CDH12: variants seen among roughly 807,000 people sequenced by gnomAD.
CDH12 encodes cadherin 12.
CDH12 carries 41 observed loss-of-function variants against 74.1 expected under a neutral mutation model. The ratio of observed to expected loss-of-function variants is 0.55; its 90% CI spans 0.43 to 0.72. The LOEUF (loss-of-function observed/expected upper bound fraction) is 0.72, where lower values mean the gene tolerates loss of function less well. Among genes scored for constraint, CDH12 ranks in the 30% least tolerant of loss-of-function variants. The probability of loss-of-function intolerance (pLI) is 0.00; values close to 1 mark genes in which losing one functional copy is unlikely to be tolerated. For synonymous variants in CDH12, 399 were observed against 355.0 expected (o/e 1.12, Z -1.39); for missense variants, 945 against 977.2 (o/e 0.97, Z 0.44).
intron 1 of CDH12, among the ~76,000 whole-genome samples, chr5:22,594,868 A>G (rs1736523728): frequency 6.6e-6 from 1 of 152,174 alleles, no homozygotes. Flanking sequence ...TTTAGTGCAA[A>G]ATGTATGCTT....
chr5:22,335,598 A>AT (rs1739546590), intron 3 of CDH12, among the ~76,000 whole-genome samples: 1 of 151,770 alleles, frequency 6.6e-6, no homozygotes, highest in Non-Finnish European at 1.5e-5. Context: ...AGAAAAAAAA[A>AT]AACAAAAACA....
intron 5 of CDH12, among the ~76,000 whole-genome samples, chr5:22,029,051 C>T (rs1028781044): frequency 6.6e-6 from 1 of 152,180 alleles, no homozygotes; most frequent in African/African-American, 2.4e-5. Context: ...GGAAAACCAG[C>T]TAGCCATATG....
In CDH12 at chr5:22,204,407, C is replaced by T. The variant is rs576009752; in HGVS notation, c.-187+8091G>A. On this transcript the variant is annotated intron_variant, in intron 4 of 14. Coordinates refer to ENST00000382254, the MANE Select transcript of CDH12 (RefSeq NM_004061.5). ...TGATCTCCTGACCTCATGATCCGCC[C>T]GCCTCGGCCTCCCGAAGTGCTGGGA... is the stretch of plus-strand genomic sequence containing the variant. Among the ~76,000 whole-genome samples the T allele has an allele frequency of 8.6e-4, 131 of 152,256 alleles. 2 individuals are homozygous for T. Among genetic ancestry groups the T allele is most frequent in the African/African-American group, 2.9e-3 (121 of 41,574 alleles).
intron 5 of CDH12, among the ~76,000 whole-genome samples, chr5:22,038,767 T>C (rs1332480542): frequency 3.3e-5 from 5 of 152,066 alleles, no homozygotes; most frequent in Admixed American, 2.6e-4. Context: ...GCACATCACC[T>C]CATTACCAAA....
At chr5:22,665,652 C>T (rs1165346825) in intron 1 of CDH12, among the ~76,000 whole-genome samples, 1 of 152,106 alleles carries the variant, frequency 6.6e-6, no homozygotes, top group East Asian at 1.9e-4. Context: ...GCCTCCATCC[C>T]ACTGATAAAT....
intron 1 of CDH12, among the ~76,000 whole-genome samples, chr5:22,751,678 G>A (rs1745585019): frequency 6.6e-6 from 1 of 152,130 alleles, no homozygotes; most frequent in Admixed American, 6.5e-5. Flanking sequence ...CCGCAAAACT[G>A]TTGCCACGTG....
At chr5:22,787,975 G>A (rs187917912) in intron 1 of CDH12, among the ~76,000 whole-genome samples, 1,625 of 152,284 alleles carry the variant, frequency 0.011, 17 homozygotes, top group South Asian at 0.035. Context: ...AAATGAGTCA[G>A]TAAGTTCAGC....
In CDH12 at chr5:22,269,672, C is replaced by T. The variant is rs190836077; in HGVS notation, c.-332-57029G>A. 4.4e-3 allele frequency among the ~76,000 whole-genome samples: 668 copies of T among 152,258 alleles called. 9 individuals are homozygous for T. The highest frequency in any genetic ancestry group is 0.01 in the Middle Eastern group (3 of 294). On this transcript the variant is annotated intron_variant, in intron 3 of 14. Coordinates refer to ENST00000382254, the MANE Select transcript of CDH12 (RefSeq NM_004061.5). Reference sequence around the variant, plus strand: ...CAGTTAGTTGATGATACAGGAAACTCCAGATAAGAGTCCCCATCCTTCACC... The same window carrying T: ...CAGTTAGTTGATGATACAGGAAACTTCAGATAAGAGTCCCCATCCTTCACC...
chr5:22,103,597 T>C (rs1580255926), intron 4 of CDH12, among the ~76,000 whole-genome samples: 1 of 152,244 alleles, frequency 6.6e-6, no homozygotes, highest in Admixed American at 6.5e-5. Flanking sequence ...AATCGTTTAT[T>C]GCTTATTAAA....
intron 8 of CDH12, among the ~76,000 whole-genome samples, chr5:21,820,179 T>C (rs1363626190): frequency 6.6e-6 from 1 of 151,882 alleles, no homozygotes; most frequent in African/African-American, 2.4e-5. Context: ...AAGACAATAA[T>C]ATGCTGAGAT....
chr5:22,681,228 GGTGTGT>G lies in CDH12; in HGVS notation c.-523+171824_-523+171829del, dbSNP rs1035806842. On this transcript the variant is annotated intron_variant, in intron 1 of 14. Transcript: ENST00000382254. ...ATCATTAAGCTCCTGGGTATTGGGG[GGTGTGT>G]GTGTGTGTGTGTGTGTGTGTGTGTG... 1.1e-4 allele frequency among the ~76,000 whole-genome samples: 12 copies of G among 105,816 alleles called. No individual in the cohort carries two copies. The South Asian group carries it at 1.8e-3, about 16-fold the overall frequency. 69.4% of individuals were successfully genotyped at this position (105,816 alleles called of 152,430 possible). A position where few individuals can be genotyped will look rare whatever the true frequency, so the allele number is the denominator to read the frequency against.
At chr5:21,891,483 C>T (rs1752894857) in intron 6 of CDH12, among the ~76,000 whole-genome samples, 1 of 151,708 alleles carries the variant, frequency 6.6e-6, no homozygotes, top group Non-Finnish European at 1.5e-5. Context: ...TTACACACAT[C>T]ATGTGGCCTA....
At chr5:22,017,843 C>T (rs1389957602) in intron 5 of CDH12, among the ~76,000 whole-genome samples, 3 of 151,532 alleles carry the variant, frequency 2.0e-5, no homozygotes, top group Non-Finnish European at 4.4e-5. Context: ...CACCACAACA[C>T]CTGCCTCCCG....
chr5:22,493,572 GA>G (rs1467395882), intron 2 of CDH12, among the ~76,000 whole-genome samples: 3 of 18,304 alleles, frequency 1.6e-4, no homozygotes, highest in Middle Eastern at 0.02. Context: ...GGTTTTTTTT[GA>G]AAAATTTTTT....
intron 1 of CDH12, among the ~76,000 whole-genome samples, chr5:22,587,673 A>C (rs1327047090): frequency 1.3e-5 from 2 of 152,128 alleles, no homozygotes; most frequent in Non-Finnish European, 2.9e-5. Context: ...ACATACCTTT[A>C]TAACAACTAA....
At chr5:22,020,305 G>A (rs1222111188) in intron 5 of CDH12, among the ~76,000 whole-genome samples, 2 of 152,084 alleles carry the variant, frequency 1.3e-5, no homozygotes, top group Non-Finnish European at 2.9e-5. Flanking sequence ...TATAATCCCA[G>A]CACTTTGGGA....
intron 6 of CDH12, among the ~76,000 whole-genome samples, chr5:21,927,366 G>C (rs1018207029): frequency 1.3e-5 from 2 of 151,754 alleles, no homozygotes; most frequent in Admixed American, 6.6e-5. Flanking sequence ...TCGGCAGATC[G>C]CTTGAGCTTG....
intron 3 of CDH12, among the ~76,000 whole-genome samples, chr5:22,346,767 A>G (rs2150460497): frequency 6.6e-6 from 1 of 152,298 alleles, no homozygotes; most frequent in East Asian, 1.9e-4. Context: ...ATTCATGTAT[A>G]GTACAACCTG....
intron 1 of CDH12, among the ~76,000 whole-genome samples, chr5:22,507,301 T>C (rs753376253): frequency 1.2e-4 from 18 of 152,088 alleles, no homozygotes; most frequent in Admixed American, 3.3e-4. Context: ...TAATTCATTT[T>C]TAAGACAAAA....
Sources: allele counts gnomAD v4.1 joint callset (sites outside exome capture counted in the v4.1 genomes callset), GRCh38; gene constraint gnomAD v4.1.1; transcripts MANE v1.5; gene names NCBI Gene and HGNC (gene_info 2026-07-23, HGNC 2026-07-21).